B3GAT2: variants seen among roughly 807,000 people sequenced by gnomAD.
The protein encoded by B3GAT2 is galactosylgalactosylxylosylprotein 3-beta-glucuronosyltransferase 2.
Under a neutral mutation model 27.8 loss-of-function variants are expected in B3GAT2, and 26 were observed. The observed-to-expected ratio is 0.93, with a 90% CI of 0.68 to 1.30. The LOEUF (loss-of-function observed/expected upper bound fraction) is 1.30, where lower values mean the gene tolerates loss of function less well. Among genes scored for constraint, B3GAT2 ranks in the 50% most tolerant of loss-of-function variants. The probability of loss-of-function intolerance (pLI) is 0.00; values close to 1 mark genes in which losing one functional copy is unlikely to be tolerated. For missense variants in B3GAT2, 458 were observed against 459.0 expected (o/e 1.00, Z 0.02); for synonymous variants, 218 against 195.1 (o/e 1.12, Z -0.98).
intron 1 of B3GAT2, among the ~76,000 whole-genome samples, chr6:70,927,790 T>TA (rs2150044443): frequency 6.6e-6 from 1 of 152,272 alleles, no homozygotes; most frequent in East Asian, 1.9e-4. Flanking sequence ...GACAGAAGGT[T>TA]AACAAGGATA....
chr6:70,938,694 T>C (rs1444327375), intron 1 of B3GAT2, among the ~76,000 whole-genome samples: 1 of 152,076 alleles, frequency 6.6e-6, no homozygotes, highest in Admixed American at 6.6e-5. Context: ...GAAAACTGGC[T>C]AGCCATATGT....
intron 1 of B3GAT2, among the ~76,000 whole-genome samples, chr6:70,937,306 C>T (rs201140831): frequency 0.019 from 2,793 of 147,180 alleles, 51 homozygotes; most frequent in East Asian, 0.099. Flanking sequence ...GATTCACAGC[C>T]GAATTCTACC....
intron 2 of B3GAT2, among the ~76,000 whole-genome samples, chr6:70,875,098 T>G (rs1380286652): frequency 2.0e-5 from 3 of 152,178 alleles, no homozygotes; most frequent in Non-Finnish European, 4.4e-5. Flanking sequence ...TTTGCCAGTG[T>G]TCTCACTGTT....
rs376482685 is a variant in B3GAT2, at chr6:70,909,152, TCA to T, written c.592-14882_592-14881del. ...CACACATTCACACACTCTCTCTCTC[TCA>T]CACACACACACACATGCTAGGGCTG... On this transcript the variant is annotated intron_variant, in intron 1 of 3. Coordinates refer to ENST00000230053, the MANE Select transcript of B3GAT2 (RefSeq NM_080742.3). Among the ~76,000 whole-genome samples the T allele has an allele frequency of 4.0e-5, 6 of 151,444 alleles. No homozygotes were observed. The East Asian group carries it at 5.8e-4, about 15-fold the overall frequency.
intron 2 of B3GAT2, among the ~76,000 whole-genome samples, chr6:70,891,820 T>C (rs1298632497): frequency 6.6e-6 from 1 of 151,358 alleles, no homozygotes; most frequent in Admixed American, 6.6e-5. Context: ...GAAGCACCAA[T>C]TGAACATGAA....
intron 2 of B3GAT2, among the ~76,000 whole-genome samples, chr6:70,870,784 T>A (rs1771921764): frequency 6.6e-6 from 1 of 152,164 alleles, no homozygotes; most frequent in South Asian, 2.1e-4. Context: ...CAATGGTGTA[T>A]ACAAATGGGT....
rs1035222273 is a variant in B3GAT2, at chr6:70,910,148, C to T, written c.592-15876G>A. Among the ~76,000 whole-genome samples, 40 of 152,208 alleles carry T rather than the reference C, an allele frequency of 2.6e-4. 1 individual carries two copies. Among genetic ancestry groups the T allele is most frequent in the Non-Finnish European group, 1.2e-4 (8 of 68,034 alleles). ...TCAGCCTTCCAAAGTGCTGGGATTA[C>T]AGGCGTGAGCCACTGTGCCCGGCCC... is the stretch of plus-strand genomic sequence containing the variant. On this transcript the variant is annotated intron_variant, in intron 1 of 3. Transcript: ENST00000230053.
chr6:70,884,114 C>A lies in B3GAT2; in HGVS notation c.736+10014G>T, dbSNP rs796087077. On this transcript the variant is annotated intron_variant, in intron 2 of 3. Coordinates refer to ENST00000230053, the MANE Select transcript of B3GAT2 (RefSeq NM_080742.3). The stretch of plus-strand genomic sequence containing the variant: ...AAGACTCAAAAAAAAAAAAAAAAAA[C>A]AAAAAAAACCCGCAACCACACAAAT... 8.4e-3 allele frequency among the ~76,000 whole-genome samples: 1,006 copies of A among 119,360 alleles called. 9 individuals are homozygous for A. Among genetic ancestry groups the A allele is most frequent in the African/African-American group, 0.024 (693 of 29,272 alleles). The allele number at this position is 119,360 out of a possible 152,430, so 78.3% of individuals were successfully genotyped here.
chr6:70,888,886 G>C (rs1212821941), intron 2 of B3GAT2, among the ~76,000 whole-genome samples: 1 of 152,118 alleles, frequency 6.6e-6, no homozygotes, highest in African/African-American at 2.4e-5. Flanking sequence ...GACCTTTCCC[G>C]AAACTCCCCC....
intron 2 of B3GAT2, among the ~76,000 whole-genome samples, chr6:70,870,235 T>C (rs1406791473): frequency 6.6e-6 from 1 of 151,876 alleles, no homozygotes; most frequent in Non-Finnish European, 1.5e-5. Flanking sequence ...GTTCATGTCC[T>C]TTGTAGGGAC....
At chr6:70,886,786 C>T (rs1173786892) in intron 2 of B3GAT2, among the ~76,000 whole-genome samples, 2 of 152,158 alleles carry the variant, frequency 1.3e-5, no homozygotes, top group Admixed American at 1.3e-4. Flanking sequence ...CAAATCCCTG[C>T]AAGTCTCTAG....
At chr6:70,862,261 C>CTG (rs777289274) in intron 2 of B3GAT2, among the ~76,000 whole-genome samples, 14 of 152,174 alleles carry the variant, frequency 9.2e-5, no homozygotes, top group African/African-American at 2.2e-4. Context: ...TTATAAGCTG[C>CTG]TGTTTCACAG....
At position 70,925,604 on chromosome 6, in the gene B3GAT2, G is replaced by A. The variant is rs113508180; in HGVS notation, c.591+30235C>T. Among the ~76,000 whole-genome samples the A allele has an allele frequency of 3.6e-3, 551 of 152,268 alleles. 6 individuals carry two copies. The highest frequency in any genetic ancestry group is 0.012 in the African/African-American group (518 of 41,560). On this transcript the variant is annotated intron_variant, in intron 1 of 3. Coordinates refer to ENST00000230053, the MANE Select transcript of B3GAT2 (RefSeq NM_080742.3). Reference sequence around the variant, plus strand: ...ACGGCCCCAAGACTGGGGGAGGGGCGTCTGCCATTGCTGAGGCTTGACTAG... The same window carrying A: ...ACGGCCCCAAGACTGGGGGAGGGGCATCTGCCATTGCTGAGGCTTGACTAG...
At position 70,858,988 on chromosome 6, in the gene B3GAT2, G is replaced by A. The variant is rs770525667; in HGVS notation, c.*2675C>T. On this transcript the variant is annotated 3_prime_UTR_variant, in exon 4 of 4. Transcript: ENST00000230053. ...AGCTGCACAGACAAAGGCTCTTAGA[G>A]AGGTTCATGCTCCCACTCTTCTTCC... The A allele has an allele frequency of 4.6e-5, 8 of 174,898 alleles. No homozygotes were observed. Among genetic ancestry groups the A allele is most frequent in the Non-Finnish European group, 8.5e-5 (7 of 82,722 alleles). The allele number at this position is 174,898 out of a possible 1,614,324, so 10.8% of individuals were successfully genotyped here. A position where few individuals can be genotyped will look rare whatever the true frequency, so the allele number is the denominator to read the frequency against.
At chr6:70,936,326 G>C (rs1336090427) in intron 1 of B3GAT2, among the ~76,000 whole-genome samples, 4,751 of 150,502 alleles carry the variant, frequency 0.032, 105 homozygotes, top group Non-Finnish European at 0.035. Context: ...ACCCCACTGT[G>C]AACATTAGAC....
chr6:70,883,029 A>G (rs1177530807), intron 2 of B3GAT2, among the ~76,000 whole-genome samples: 4 of 152,224 alleles, frequency 2.6e-5, no homozygotes, highest in Non-Finnish European at 1.5e-5. Flanking sequence ...CTTCATCCCC[A>G]TTAGGTGGCT....
At position 70,929,976 on chromosome 6, in the gene B3GAT2, A is replaced by T. The variant is rs894185938; in HGVS notation, c.591+25863T>A. On this transcript the variant is annotated intron_variant, in intron 1 of 3. Transcript: ENST00000230053. ...GGCTACAGTAACCAAATAGCATGGT[A>T]CTGATACTAAAACAGAGATATAGAC... Among the ~76,000 whole-genome samples, 10 of 152,230 alleles carry T rather than the reference A, an allele frequency of 6.6e-5. No homozygotes were observed. In the East Asian group the frequency reaches 1.9e-3, roughly 29 times the overall value.
At chr6:70,862,164 AT>A in intron 2 of B3GAT2, 186 bp from the exon 3 acceptor site, 1 of 610,288 alleles carries the variant, frequency 1.6e-6, no homozygotes, top group Non-Finnish European at 2.8e-6. Context: ...TCATTACAAT[AT>A]TTTACATTCC....
At chr6:70,866,564 T>A (rs1043216882) in intron 2 of B3GAT2, among the ~76,000 whole-genome samples, 1 of 152,000 alleles carries the variant, frequency 6.6e-6, no homozygotes, top group African/African-American at 2.4e-5. Context: ...ATACATTGGA[T>A]GGGATTAGCA....
Sources: allele counts gnomAD v4.1 joint callset (sites outside exome capture counted in the v4.1 genomes callset), GRCh38; gene constraint gnomAD v4.1.1; transcripts MANE v1.5; gene names NCBI Gene and HGNC (gene_info 2026-07-23, HGNC 2026-07-21).